Variants in CDH4 observed in about 807,000 individuals in gnomAD.
CDH4 encodes cadherin-4.
A neutral mutation model predicts 86.0 loss-of-function variants in CDH4; 33 were observed. The observed-to-expected ratio is 0.38, with a 90% CI of 0.29 to 0.51. The LOEUF (loss-of-function observed/expected upper bound fraction) is 0.51. Ranked by LOEUF, CDH4 falls within the 20% of genes least tolerant of loss-of-function variation. CDH4 has a pLI of 0.86. For missense variants in CDH4, 1,114 were observed against 1,307.4 expected, an observed-to-expected ratio of 0.85 and a Z score of 2.28; for synonymous variants, 555 against 549.4, an observed-to-expected ratio of 1.01 and a Z score of -0.14.
rs192836444 is a variant in CDH4 at position 61,373,617 on chromosome 20, G to A, written c.169+118680G>A. On this transcript the variant is annotated intron_variant, in intron 2 of 15. Coordinates refer to ENST00000614565, the MANE Select transcript of CDH4 (RefSeq NM_001794.5). ...CCACCCTCCCAGCAAAACGGGATTAGAACCTGGGGAATATGCGTTCCGATG... is the reference window on the plus strand; with the variant it reads ...CCACCCTCCCAGCAAAACGGGATTAAAACCTGGGGAATATGCGTTCCGATG... Among the ~76,000 whole-genome samples, 7 of 152,300 alleles carry A rather than the reference G, an allele frequency of 4.6e-5. 1 individual carries two copies. The highest frequency in any genetic ancestry group is 2.0e-4 in the Admixed American group (3 of 15,296).
chr20:61,779,498 A>G (rs1316719618), intron 4 of CDH4, among the ~76,000 whole-genome samples: 1 of 152,246 alleles, frequency 6.6e-6, no homozygotes, highest in Admixed American at 6.5e-5. Context: ...GCAGCCACAG[A>G]TGGCTCACAA....
chr20:61,877,378 C>G (rs1405447564), intron 7 of CDH4, among the ~76,000 whole-genome samples: 1 of 141,626 alleles, frequency 7.1e-6, no homozygotes, highest in Non-Finnish European at 1.6e-5. Context: ...CCCCCCACCC[C>G]CCGCTGTCGG....
At chr20:61,570,855 G>C (rs527254516) in intron 2 of CDH4, 1 of 695,562 alleles carries the variant, frequency 1.4e-6, no homozygotes, top group African/African-American at 1.7e-5. Context: ...AGTGTGTTGC[G>C]TTTGGATGTG....
chr20:61,509,368 AG>A (rs2085763614), intron 2 of CDH4, among the ~76,000 whole-genome samples: 3 of 151,532 alleles, frequency 2.0e-5, no homozygotes, highest in Admixed American at 1.3e-4. Flanking sequence ...GATCTGGACA[AG>A]GGCAACCATG....
At chr20:61,301,944 C>T (rs967766598) in intron 2 of CDH4, among the ~76,000 whole-genome samples, 5 of 152,208 alleles carry the variant, frequency 3.3e-5, no homozygotes, top group African/African-American at 9.6e-5. Flanking sequence ...AAATTACATG[C>T]GCTTTTACGC....
At chr20:61,710,746 C>T (rs2087881059) in intron 2 of CDH4, among the ~76,000 whole-genome samples, 1 of 152,194 alleles carries the variant, frequency 6.6e-6, no homozygotes, top group Non-Finnish European at 1.5e-5. Context: ...GATGCTGTTC[C>T]AGGCTAAAGA....
chr20:61,835,455 G>A (rs866066613), intron 4 of CDH4, among the ~76,000 whole-genome samples: 4 of 152,214 alleles, frequency 2.6e-5, no homozygotes, highest in Non-Finnish European at 5.9e-5. Context: ...GTGTAGCCAG[G>A]TCCCCTGGGA....
chr20:61,627,886 G>T (rs61178923), intron 2 of CDH4, among the ~76,000 whole-genome samples: 2 of 152,038 alleles, frequency 1.3e-5, no homozygotes, highest in Non-Finnish European at 2.9e-5. Flanking sequence ...GTCCCCCAGC[G>T]AGGCCCAGGA....
chr20:61,787,462 G>A (rs1304226248), intron 4 of CDH4, among the ~76,000 whole-genome samples: 1 of 152,286 alleles, frequency 6.6e-6, no homozygotes, highest in African/African-American at 2.4e-5. Context: ...GCAACATGGA[G>A]GTAACTGCGC....
In CDH4 at chr20:61,495,799, A is replaced by T. The variant is rs570888921; in HGVS notation, c.169+240862A>T. On this transcript the variant is annotated intron_variant, in intron 2 of 15. Coordinates refer to ENST00000614565, the MANE Select transcript of CDH4 (RefSeq NM_001794.5). ...GCACTTGTAATCCCAGCTACTCGGG[A>T]GGCTGAGACAGGAGAATCATTTGAA... 2.7e-5 allele frequency among the ~76,000 whole-genome samples: 4 copies of T among 148,458 alleles called. No individual in the cohort carries two copies. In the East Asian group the frequency reaches 6.1e-4, roughly 23 times the overall value.
At chr20:61,342,581 C>T (rs980176060) in intron 2 of CDH4, among the ~76,000 whole-genome samples, 8 of 152,206 alleles carry the variant, frequency 5.3e-5, no homozygotes, top group African/African-American at 1.4e-4. Flanking sequence ...ATACAGAGGA[C>T]GCTTCGTGCA....
At chr20:61,697,060 C>T (rs998684575) in intron 2 of CDH4, among the ~76,000 whole-genome samples, 1 of 152,126 alleles carries the variant, frequency 6.6e-6, no homozygotes, top group Non-Finnish European at 1.5e-5. Flanking sequence ...GGAGCATGGC[C>T]CTGCACACAC....
intron 2 of CDH4, among the ~76,000 whole-genome samples, chr20:61,727,409 T>A (rs59054985): frequency 0.093 from 14,182 of 152,248 alleles, 1,104 homozygotes; most frequent in African/African-American, 0.21. Context: ...GCTGCCATCA[T>A]CATCATCTCT....
intron 3 of CDH4, among the ~76,000 whole-genome samples, chr20:61,752,329 CAAAA>C (rs34828485): frequency 1.2e-3 from 97 of 83,140 alleles, no homozygotes; most frequent in African/African-American, 3.7e-3. Context: ...AAAAGCCTGT[CAAAA>C]AAAAAAAAAA....
intron 2 of CDH4, among the ~76,000 whole-genome samples, chr20:61,306,623 C>T (rs117055114): frequency 0.014 from 2,121 of 152,240 alleles, 21 homozygotes; most frequent in Non-Finnish European, 0.022. Flanking sequence ...CGTGAGCCAC[C>T]GCACCCAGCC....
rs563634992 is a variant in CDH4 at position 61,395,445 on chromosome 20, G to A, written c.169+140508G>A. Among the ~76,000 whole-genome samples, 38 of 152,156 alleles carry A rather than the reference G, an allele frequency of 2.5e-4. No individual in the cohort carries two copies. In the South Asian group the frequency reaches 5.2e-3, roughly 21 times the overall value. On this transcript the variant is annotated intron_variant, in intron 2 of 15. Transcript: ENST00000614565. ...ATACGTACATGGCATTATTAATAAC[G>A]TATATGATATACCATGACATAACAT...
chr20:61,447,561 G>A (rs568718147), intron 2 of CDH4, among the ~76,000 whole-genome samples: 36 of 150,758 alleles, frequency 2.4e-4, no homozygotes, highest in Non-Finnish European at 5.2e-4. Flanking sequence ...TTAATCATTC[G>A]GGGTCTCCTA....
chr20:61,635,106 G>A (rs6061685), intron 2 of CDH4, among the ~76,000 whole-genome samples: 2,060 of 152,222 alleles, frequency 0.014, 55 homozygotes, highest in African/African-American at 0.047. Context: ...TGAGCGTGGG[G>A]TGCAGACCTC....
chr20:61,565,754 G>T (rs1446857899), intron 2 of CDH4, among the ~76,000 whole-genome samples: 1 of 152,182 alleles, frequency 6.6e-6, no homozygotes, highest in East Asian at 1.9e-4. Context: ...GCAGACCCTG[G>T]CAGAGGAGAA....
Sources: gnomAD v4.1 joint callset for allele counts (sites outside exome capture counted in the v4.1 genomes callset) on GRCh38, gnomAD v4.1.1 for gene constraint, MANE v1.5 for transcripts, NCBI Gene and HGNC (gene_info 2026-07-23, HGNC 2026-07-21) for gene names.